The following SYT1 variants were observed in gnomAD, a reference collection of about 807,000 sequenced individuals.
SYT1 encodes the protein synaptotagmin-1.
A neutral mutation model predicts 44.8 loss-of-function variants in SYT1; 8 were observed. The observed-to-expected ratio is 0.18, with a 90% CI of 0.10 to 0.32. The LOEUF (loss-of-function observed/expected upper bound fraction) is 0.32. Ranked by LOEUF, SYT1 falls within the 10% of genes least tolerant of loss-of-function variation. The probability of loss-of-function intolerance (pLI) is 1.00; values close to 1 mark genes in which losing one functional copy is unlikely to be tolerated. For synonymous variants in SYT1, 154 were observed against 188.8 expected, an observed-to-expected ratio of 0.82 and a Z score of 1.51; for missense variants, 286 against 509.3, an observed-to-expected ratio of 0.56 and a Z score of 4.22.
intron 3 of SYT1, among the ~76,000 whole-genome samples, chr12:79,172,515 G>C (rs75040249): frequency 0.074 from 11,216 of 151,848 alleles, 509 homozygotes; most frequent in African/African-American, 0.12. Flanking sequence ...GCTTTTTGCT[G>C]TTATTGTTGT....
At chr12:79,391,971 T>TATC (rs10677821) in intron 9 of SYT1, among the ~76,000 whole-genome samples, 9 of 152,010 alleles carry the variant, frequency 5.9e-5, no homozygotes, top group Admixed American at 3.9e-4. Flanking sequence ...CAATTCATAT[T>TATC]GTAAACCTTA....
At chr12:79,341,135 A>G (rs151231599) in intron 8 of SYT1, 34 of 152,314 alleles carry the variant, frequency 2.2e-4, no homozygotes, top group South Asian at 1.0e-3. Flanking sequence ...ATATAAGACT[A>G]AGCTTTACTC....
intron 3 of SYT1, among the ~76,000 whole-genome samples, chr12:79,152,499 A>G (rs965925606): frequency 6.6e-6 from 1 of 152,062 alleles, no homozygotes; most frequent in Non-Finnish European, 1.5e-5. Flanking sequence ...GTTTGCCTCT[A>G]TTTTCTGAAG....
chr12:79,063,079 A>T (rs1875508340), intron 3 of SYT1, among the ~76,000 whole-genome samples: 1 of 152,188 alleles, frequency 6.6e-6, no homozygotes, highest in South Asian at 2.1e-4. Flanking sequence ...GCAGTTTCAC[A>T]TATGCCACCT....
chr12:79,348,987 GAA>G (rs1163517835), intron 8 of SYT1, among the ~76,000 whole-genome samples: 139 of 109,750 alleles, frequency 1.3e-3, no homozygotes, highest in Middle Eastern at 8.1e-3. Flanking sequence ...GAGGAAGAAA[GAA>G]AGAGAGAAGG....
At position 79,130,285 on chromosome 12, in the gene SYT1, G is replaced by A. The variant is rs1868724842; in HGVS notation, c.-18+82923G>A. On this transcript the variant is annotated intron_variant, in intron 3 of 10. Coordinates refer to ENST00000261205, the MANE Select transcript of SYT1 (RefSeq NM_005639.3). The stretch of plus-strand genomic sequence containing the variant: ...ATTTAAAAGTATTAGTTGATCTATA[G>A]CAGGCTTTGTCCAGGCTTTTCTATG... 2.6e-5 allele frequency among the ~76,000 whole-genome samples: 4 copies of A among 152,178 alleles called. 1 individual carries two copies. The South Asian group carries it at 8.3e-4, about 32-fold the overall frequency.
chr12:79,007,873 G>A (rs1460771376), intron 2 of SYT1, among the ~76,000 whole-genome samples: 2 of 152,080 alleles, frequency 1.3e-5, no homozygotes, highest in African/African-American at 4.8e-5. Flanking sequence ...TAAAAAGTAT[G>A]AGTAATGGCC....
chr12:79,038,759 G>A (rs1178173834), intron 2 of SYT1, among the ~76,000 whole-genome samples: 2 of 151,818 alleles, frequency 1.3e-5, no homozygotes, highest in Non-Finnish European at 2.9e-5. Flanking sequence ...TGGGTTAAAG[G>A]GATAGTGTTT....
At chr12:78,928,598 A>G (rs1356670658) in intron 1 of SYT1, among the ~76,000 whole-genome samples, 1 of 152,126 alleles carries the variant, frequency 6.6e-6, no homozygotes, top group African/African-American at 2.4e-5. Flanking sequence ...TCTGAAGTCA[A>G]TTAAGGGTTC....
In SYT1 at chr12:79,334,916, G is replaced by A. The variant is rs559665303; in HGVS notation, c.811-18586G>A. ...AATCCTTCTTGCTTGTAAATATTAG[G>A]AGAGCCAGGAACATTCACAAAGCTG... On this transcript the variant is annotated intron_variant, in intron 8 of 10. Coordinates refer to ENST00000261205, the MANE Select transcript of SYT1 (RefSeq NM_005639.3). Among the ~76,000 whole-genome samples the A allele has an allele frequency of 2.0e-5, 3 of 152,140 alleles. No individual in the cohort carries two copies. In the South Asian group the frequency reaches 6.2e-4, roughly 32 times the overall value.
chr12:79,394,656 C>T (rs1454937865), intron 9 of SYT1, among the ~76,000 whole-genome samples: 1 of 152,108 alleles, frequency 6.6e-6, no homozygotes, highest in Non-Finnish European at 1.5e-5. Flanking sequence ...ATTGATTTGG[C>T]TTATTTTATG....
intron 4 of SYT1, among the ~76,000 whole-genome samples, chr12:79,259,629 G>A (rs1393946580): frequency 6.6e-6 from 1 of 152,186 alleles, no homozygotes; most frequent in Non-Finnish European, 1.5e-5. Flanking sequence ...AGCTACTCAG[G>A]AGGCTGAGGC....
intron 8 of SYT1, among the ~76,000 whole-genome samples, chr12:79,347,327 C>T (rs1287984826): frequency 6.6e-6 from 1 of 152,078 alleles, no homozygotes; most frequent in Non-Finnish European, 1.5e-5. Flanking sequence ...TGAAAAGATG[C>T]TCACCCAAGA....
At chr12:78,875,153 G>T (rs1034850834) in intron 1 of SYT1, among the ~76,000 whole-genome samples, 5 of 151,546 alleles carry the variant, frequency 3.3e-5, no homozygotes, top group African/African-American at 1.2e-4. Flanking sequence ...TTATCAATTT[G>T]TACAAATATA....
chr12:78,934,872 C>G (rs747295921), intron 1 of SYT1, among the ~76,000 whole-genome samples: 6 of 152,110 alleles, frequency 3.9e-5, no homozygotes, highest in Non-Finnish European at 7.3e-5. Context: ...TAGATGAAAT[C>G]TTGAATTTAG....
rs59868446 is a variant in SYT1, at chr12:79,443,935, A to C, written c.929-138A>C. 1.7e-3 allele frequency: 1,541 copies of C among 909,766 alleles called. 21 individuals are homozygous for C. In the African/African-American group the frequency reaches 0.023, roughly 14 times the overall value. The allele number at this position is 909,766 out of a possible 1,614,324, so 56.4% of individuals were successfully genotyped here. A position where few individuals can be genotyped will look rare whatever the true frequency, so the allele number is the denominator to read the frequency against. Reference sequence around the variant, plus strand: ...AGGTTATTTAAAATATTTCAATAAAAAAGTATTGAATTTAAAAAATATTAA... The same window carrying C: ...AGGTTATTTAAAATATTTCAATAAACAAGTATTGAATTTAAAAAATATTAA... On this transcript the variant is annotated intron_variant, in intron 9 of 10. Coordinates refer to ENST00000261205, the MANE Select transcript of SYT1 (RefSeq NM_005639.3).
At chr12:79,050,676 G>A (rs1319487265) in intron 3 of SYT1, among the ~76,000 whole-genome samples, 2 of 151,944 alleles carry the variant, frequency 1.3e-5, no homozygotes, top group East Asian at 3.9e-4. Context: ...CTGCTTTCCT[G>A]AAAAAACAAA....
At chr12:78,971,518 T>C (rs1482765603) in intron 1 of SYT1, among the ~76,000 whole-genome samples, 1 of 152,186 alleles carries the variant, frequency 6.6e-6, no homozygotes, top group Non-Finnish European at 1.5e-5. Flanking sequence ...AATTCACTTT[T>C]CTGAACAATT....
At chr12:78,886,319 T>C (rs1185704149) in intron 1 of SYT1, among the ~76,000 whole-genome samples, 2 of 151,980 alleles carry the variant, frequency 1.3e-5, no homozygotes, top group Admixed American at 1.3e-4. Flanking sequence ...AATTCCTGGA[T>C]TGGTATTGCT....
Sources: allele counts gnomAD v4.1 joint callset (sites outside exome capture counted in the v4.1 genomes callset), GRCh38; gene constraint gnomAD v4.1.1; transcripts MANE v1.5; gene names NCBI Gene and HGNC (gene_info 2026-07-23, HGNC 2026-07-21).